The following SORCS2 variants were observed in gnomAD, a reference collection of about 807,000 sequenced individuals.
SORCS2 encodes the protein sortilin related VPS10 domain containing receptor 2, also known as VPS10 domain-containing receptor SorCS2.
In SORCS2, 100 loss-of-function variants were observed where a neutral mutation model predicts 141.6. That is an observed-to-expected ratio of 0.71 (90% confidence interval 0.60 to 0.83). SORCS2 has a LOEUF of 0.83. Among genes scored for constraint, SORCS2 ranks in the 40% least tolerant of loss-of-function variants. The pLI, the probability that SORCS2 is intolerant of heterozygous loss-of-function variation, is 0.00. For missense variants in SORCS2, 1,646 were observed against 1,560.2 expected (o/e 1.05, Z -0.93); for synonymous variants, 789 against 676.9 (o/e 1.17, Z -2.57).
intron 11 of SORCS2, among the ~76,000 whole-genome samples, chr4:7,694,905 A>G (rs1442133712): frequency 4.0e-5 from 6 of 151,774 alleles, no homozygotes; most frequent in African/African-American, 1.5e-4. Flanking sequence ...TCCAGGCTCC[A>G]CTCGGAGGCT....
chr4:7,603,058 C>G (rs1362095251), intron 3 of SORCS2, among the ~76,000 whole-genome samples: 1 of 152,088 alleles, frequency 6.6e-6, no homozygotes, highest in Non-Finnish European at 1.5e-5. Context: ...ACTCCGCAGG[C>G]TGAGGCAGGA....
chr4:7,392,514 C>G (rs1431990250), intron 1 of SORCS2, among the ~76,000 whole-genome samples: 1 of 152,170 alleles, frequency 6.6e-6, no homozygotes, highest in Non-Finnish European at 1.5e-5. Flanking sequence ...CTGTGCTGGG[C>G]TCACGGGGGT....
intron 3 of SORCS2, among the ~76,000 whole-genome samples, chr4:7,576,429 G>A (rs1313829750): frequency 1.3e-5 from 2 of 152,200 alleles, no homozygotes; most frequent in Admixed American, 1.3e-4. Context: ...AAAGCGATAG[G>A]AAACGACAAA....
rs566318641 is a variant in SORCS2, at chr4:7,629,882, C to T, written c.649-8446C>T. 3.3e-5 allele frequency among the ~76,000 whole-genome samples: 5 copies of T among 152,236 alleles called. No homozygotes were observed. In the South Asian group the frequency reaches 1.0e-3, roughly 32 times the overall value. On this transcript the variant is annotated intron_variant, in intron 3 of 26. Transcript: ENST00000507866. ...CATCTCTGCAACGCGCTGTCGGCCA[C>T]CCTTTGACCCAAGCCTGAAACTTAG...
chr4:7,440,216 G>T (rs1327667814), intron 2 of SORCS2, among the ~76,000 whole-genome samples: 1 of 152,212 alleles, frequency 6.6e-6, no homozygotes, highest in Non-Finnish European at 1.5e-5. Flanking sequence ...GGGGGAGGAG[G>T]CTGCGTTGCA....
At chr4:7,563,693 G>A (rs138652775) in intron 3 of SORCS2, among the ~76,000 whole-genome samples, 186 of 152,308 alleles carry the variant, frequency 1.2e-3, no homozygotes, top group Middle Eastern at 0.01. Flanking sequence ...CAGCTCAGCT[G>A]GTTAGCTCTG....
intron 15 of SORCS2, 74 bp from the exon 16 acceptor site, chr4:7,714,166 C>G (rs1308661533): frequency 6.6e-7 from 1 of 1,525,576 alleles, no homozygotes; most frequent in Non-Finnish European, 8.8e-7. Flanking sequence ...GCTCTGGCAG[C>G]CTCAGCGGCA....
At chr4:7,428,980 T>C (rs996630153) in intron 2 of SORCS2, among the ~76,000 whole-genome samples, 4 of 152,118 alleles carry the variant, frequency 2.6e-5, no homozygotes, top group African/African-American at 7.2e-5. Flanking sequence ...CAGGATTAGT[T>C]GTCACTGTAA....
At chr4:7,271,231 C>G (rs751625914) in intron 1 of SORCS2, among the ~76,000 whole-genome samples, 12 of 152,212 alleles carry the variant, frequency 7.9e-5, no homozygotes, top group South Asian at 2.1e-4. Context: ...GGATGTCGCT[C>G]CTCCACTCTG....
chr4:7,711,955 G>A (rs1725848920), intron 14 of SORCS2, among the ~76,000 whole-genome samples: 2 of 152,154 alleles, frequency 1.3e-5, no homozygotes, highest in South Asian at 2.1e-4. Context: ...TACCTGGGCT[G>A]AGGGTCCTCA....
rs114158416 is a variant in SORCS2, at chr4:7,544,794, C to T, written c.648+13165C>T. ...CTGGAAGTCACCTGCCATCCCCAGT[C>T]TCCCCCATGGCTGAACACTCAGGGT... On this transcript the variant is annotated intron_variant, in intron 3 of 26. Transcript: ENST00000507866. Among the ~76,000 whole-genome samples the T allele has an allele frequency of 7.5e-3, 1,147 of 152,328 alleles. 16 individuals carry two copies. The highest frequency in any genetic ancestry group is 0.025 in the African/African-American group (1,021 of 41,576).
intron 2 of SORCS2, among the ~76,000 whole-genome samples, chr4:7,418,967 C>T (rs1056877984): frequency 6.6e-6 from 1 of 152,112 alleles, no homozygotes; most frequent in African/African-American, 2.4e-5. Context: ...ACACAGGGCA[C>T]CTGGGCAGAG....
At chr4:7,524,232 T>G (rs1398897419) in intron 2 of SORCS2, among the ~76,000 whole-genome samples, 1 of 152,134 alleles carries the variant, frequency 6.6e-6, no homozygotes, top group East Asian at 1.9e-4. Flanking sequence ...GGGCACTATA[T>G]CCAATGTGAA....
At chr4:7,729,037 A>G (rs1174756336) in intron 22 of SORCS2, among the ~76,000 whole-genome samples, 2 of 152,338 alleles carry the variant, frequency 1.3e-5, no homozygotes, top group East Asian at 3.9e-4. Context: ...GGTCCTGGGC[A>G]CTGAAGGTTG....
intron 3 of SORCS2, among the ~76,000 whole-genome samples, chr4:7,603,128 C>T (rs565120848): frequency 4.7e-5 from 7 of 148,698 alleles, no homozygotes; most frequent in Admixed American, 1.3e-4. Context: ...AGCCTCCGCT[C>T]GGCATCAGAG....
At chr4:7,641,924 G>C (rs1720774531) in intron 4 of SORCS2, among the ~76,000 whole-genome samples, 2 of 112,320 alleles carry the variant, frequency 1.8e-5, no homozygotes, top group African/African-American at 2.8e-5. Flanking sequence ...GTGGACAGAT[G>C]GATGGATAGA....
intron 17 of SORCS2, among the ~76,000 whole-genome samples, 192 bp from the exon 18 acceptor site, chr4:7,717,820 T>C (rs969950154): frequency 2.0e-4 from 30 of 152,112 alleles, no homozygotes; most frequent in Non-Finnish European, 2.9e-5. Flanking sequence ...GCCTCAGTGT[T>C]CTCATCTCTA....
intron 2 of SORCS2, among the ~76,000 whole-genome samples, chr4:7,527,483 C>G (rs534940155): frequency 1.3e-5 from 2 of 152,118 alleles, no homozygotes. Context: ...GGCCTCGGGG[C>G]GAGGACTGCA....
intron 2 of SORCS2, among the ~76,000 whole-genome samples, chr4:7,427,926 A>G (rs1726569659): frequency 6.7e-6 from 1 of 149,914 alleles, no homozygotes; most frequent in Admixed American, 6.6e-5. Context: ...CAGGCATCCG[A>G]ACCATATCAC....
Sources: allele counts gnomAD v4.1 joint callset (sites outside exome capture counted in the v4.1 genomes callset), GRCh38; gene constraint gnomAD v4.1.1; transcripts MANE v1.5; gene names NCBI Gene and HGNC (gene_info 2026-07-23, HGNC 2026-07-21).